Variants in GLIS3 observed in about 807,000 individuals in gnomAD.
GLIS3 encodes zinc finger protein GLIS3.
A neutral mutation model predicts 78.6 loss-of-function variants in GLIS3; 53 were observed. The observed-to-expected ratio is 0.67, with a 90% CI of 0.54 to 0.85. GLIS3 has a LOEUF of 0.85. GLIS3 is among the 40% of genes least tolerant of loss of function. GLIS3 has a pLI of 0.00. For synonymous variants in GLIS3, 684 were observed against 509.9 expected (o/e 1.34, Z -4.60); for missense variants, 1,703 against 1,231.1 (o/e 1.38, Z -5.74).
At chr9:4,207,812 C>T (rs373576972) in intron 2 of GLIS3, among the ~76,000 whole-genome samples, 2 of 152,158 alleles carry the variant, frequency 1.3e-5, no homozygotes, top group African/African-American at 4.8e-5. Context: ...CTCACTTCCT[C>T]CAAACAGGTA....
At chr9:4,013,564 C>T (rs1036801434) in intron 4 of GLIS3, among the ~76,000 whole-genome samples, 4 of 152,164 alleles carry the variant, frequency 2.6e-5, no homozygotes, top group African/African-American at 7.2e-5. Flanking sequence ...GGGCCTAGCA[C>T]AGAGCAGGAC....
At chr9:3,948,902 C>G (rs1818851976) in intron 4 of GLIS3, among the ~76,000 whole-genome samples, 1 of 152,166 alleles carries the variant, frequency 6.6e-6, no homozygotes, top group Non-Finnish European at 1.5e-5. Flanking sequence ...AAATGTTACC[C>G]ATTATCATCA....
intron 2 of GLIS3, among the ~76,000 whole-genome samples, chr9:4,338,863 G>A (rs1817793989): frequency 6.6e-6 from 1 of 152,148 alleles, no homozygotes; most frequent in East Asian, 1.9e-4. Context: ...TGGGGTATGT[G>A]CCTGAGTCTT....
the GLIS3 span, among the ~76,000 whole-genome samples, chr9:4,413,529 C>G: frequency 1.3e-5 from 2 of 152,150 alleles, no homozygotes; most frequent in African/African-American, 4.8e-5. Flanking sequence ...GTTTCCACCT[C>G]TAAAGAATCA....
chr9:3,886,901 G>GTC (rs1822117140), intron 7 of GLIS3, among the ~76,000 whole-genome samples: 1 of 152,182 alleles, frequency 6.6e-6, no homozygotes, highest in Non-Finnish European at 1.5e-5. Context: ...CTGCCAATGA[G>GTC]TAGAAGGAGC....
intron 8 of GLIS3, among the ~76,000 whole-genome samples, chr9:3,862,594 CT>C (rs780243021): frequency 2.0e-5 from 3 of 152,124 alleles, no homozygotes; most frequent in Non-Finnish European, 4.4e-5. Context: ...TCTTACTTTT[CT>C]TCATTTGTAC....
At chr9:4,426,006 A>G in the GLIS3 span, among the ~76,000 whole-genome samples, 6 of 152,184 alleles carry the variant, frequency 3.9e-5, no homozygotes, top group Non-Finnish European at 8.8e-5. Context: ...AAACTGAGGC[A>G]TCTTATGAAC....
At chr9:4,020,825 C>T (rs1399350994) in intron 4 of GLIS3, among the ~76,000 whole-genome samples, 2 of 152,216 alleles carry the variant, frequency 1.3e-5, no homozygotes, top group Admixed American at 6.5e-5. Context: ...TTCAAATTCT[C>T]TCTTGCTGCC....
At chr9:4,093,625 T>A (rs1344176399) in intron 4 of GLIS3, among the ~76,000 whole-genome samples, 3 of 152,182 alleles carry the variant, frequency 2.0e-5, no homozygotes, top group Admixed American at 6.5e-5. Context: ...TAAGGGGCTA[T>A]AAATACTCAG....
At chr9:4,432,000 T>C in the GLIS3 span, among the ~76,000 whole-genome samples, 1 of 152,190 alleles carries the variant, frequency 6.6e-6, no homozygotes, top group African/African-American at 2.4e-5. Flanking sequence ...TAAAACTTTT[T>C]TTACAAAATC....
At position 4,004,271 on chromosome 9, in the gene GLIS3, C is replaced by G. The variant is rs191996434; in HGVS notation, c.1711-67082G>C. Among the ~76,000 whole-genome samples the G allele has an allele frequency of 3.9e-3, 601 of 152,156 alleles. 1 individual carries two copies. Among genetic ancestry groups the G allele is most frequent in the Middle Eastern group, 6.8e-3 (2 of 294 alleles). On this transcript the variant is annotated intron_variant, in intron 4 of 10. Coordinates refer to ENST00000381971, the MANE Select transcript of GLIS3 (RefSeq NM_001042413.2). ...TGATGACCAGACCAAGGGAGGTAAA[C>G]AAGAAAAAGACTCCTTGATATTTGG...
chr9:4,054,489 G>A, intron 4 of GLIS3: 3 of 985,404 alleles, frequency 3.0e-6, no homozygotes, highest in Non-Finnish European at 3.6e-6. Flanking sequence ...GGGCCTACGG[G>A]TTCTGCAGGT....
chr9:3,845,743 A>G (rs1007683642), intron 9 of GLIS3, among the ~76,000 whole-genome samples: 2 of 152,312 alleles, frequency 1.3e-5, no homozygotes, highest in African/African-American at 2.4e-5. Flanking sequence ...ACGCACGCAC[A>G]CACACACCCA....
intron 2 of GLIS3, among the ~76,000 whole-genome samples, chr9:4,196,084 T>C (rs181569844): frequency 7.9e-5 from 12 of 152,292 alleles, no homozygotes; most frequent in African/African-American, 2.4e-4. Flanking sequence ...ATCAGCACTC[T>C]GTCTAGCTCA....
intron 2 of GLIS3, among the ~76,000 whole-genome samples, chr9:4,337,781 T>C (rs1197014450): frequency 6.6e-6 from 1 of 152,172 alleles, no homozygotes; most frequent in Non-Finnish European, 1.5e-5. Context: ...CAACCAGTTT[T>C]GTTTACTCAG....
At chr9:4,122,954 G>C (rs1395156215) in intron 3 of GLIS3, among the ~76,000 whole-genome samples, 1 of 152,112 alleles carries the variant, frequency 6.6e-6, no homozygotes, top group Non-Finnish European at 1.5e-5. Context: ...TTAAGCACAG[G>C]TAATCAGAAA....
intron 9 of GLIS3, among the ~76,000 whole-genome samples, chr9:3,852,048 G>A (rs1819467746): frequency 6.6e-6 from 1 of 152,152 alleles, no homozygotes; most frequent in Admixed American, 6.5e-5. Context: ...AGGAGGCTGA[G>A]GCAGGGGAAT....
At chr9:4,368,782 C>A in the GLIS3 span, among the ~76,000 whole-genome samples, 1 of 152,154 alleles carries the variant, frequency 6.6e-6, no homozygotes, top group Admixed American at 6.6e-5. Context: ...GCACTGGAGT[C>A]GGTTTTGAAG....
At position 4,287,781 on chromosome 9, in the gene GLIS3, GTTTA is replaced by G. The variant is rs1050843107; in HGVS notation, c.-98-1262_-98-1259del. On this transcript the variant is annotated intron_variant, in intron 1 of 10. Transcript: ENST00000381971. ...CAAGGAGAAACACTTTTTGTGAAGA[GTTTA>G]TTTTTCATTTTTAGAAAATCAAAAA... Among the ~76,000 whole-genome samples, 152 of 152,334 alleles carry G rather than the reference GTTTA, an allele frequency of 1.0e-3. 1 individual carries two copies. Among genetic ancestry groups the G allele is most frequent in the African/African-American group, 2.7e-3 (114 of 41,582 alleles).
Sources: gnomAD v4.1 joint callset for allele counts (sites outside exome capture counted in the v4.1 genomes callset) on GRCh38, gnomAD v4.1.1 for gene constraint, MANE v1.5 for transcripts, NCBI Gene and HGNC (gene_info 2026-07-23, HGNC 2026-07-21) for gene names.